Variants in BICD1 observed in about 807,000 individuals in gnomAD.
BICD1 encodes the protein BICD cargo adaptor 1.
A neutral mutation model predicts 92.5 loss-of-function variants in BICD1; 35 were observed. The observed-to-expected ratio is 0.38, with a 90% CI of 0.29 to 0.50. The LOEUF (loss-of-function observed/expected upper bound fraction) is 0.50, where lower values mean the gene tolerates loss of function less well. Among genes scored for constraint, BICD1 ranks in the 20% least tolerant of loss-of-function variants. BICD1 has a pLI of 0.93. For synonymous variants in BICD1, 429 were observed against 465.1 expected (o/e 0.92, Z 1.00); for missense variants, 950 against 1,189.8 (o/e 0.80, Z 2.97).
chr12:32,264,236 ATTG>A (rs961602761), intron 2 of BICD1, among the ~76,000 whole-genome samples: 2 of 152,208 alleles, frequency 1.3e-5, no homozygotes, highest in Non-Finnish European at 2.9e-5. Context: ...AATCTTAAAT[ATTG>A]TTATTAGCTC....
intron 2 of BICD1, among the ~76,000 whole-genome samples, chr12:32,250,878 G>A (rs2136103831): frequency 6.6e-6 from 1 of 152,292 alleles, no homozygotes; most frequent in Non-Finnish European, 1.5e-5. Flanking sequence ...AGCTACTTGG[G>A]AGGCTAAGGT....
chr12:32,223,620 CTG>C (rs975035142), intron 2 of BICD1, among the ~76,000 whole-genome samples: 5 of 151,782 alleles, frequency 3.3e-5, no homozygotes, highest in African/African-American at 1.2e-4. Flanking sequence ...AGAAATGAGA[CTG>C]TTTCGCTTTC....
intron 1 of BICD1, among the ~76,000 whole-genome samples, chr12:32,169,266 C>G (rs1943863967): frequency 6.6e-6 from 1 of 152,076 alleles, no homozygotes. Flanking sequence ...ATACTTAGCA[C>G]AATAAATATT....
chr12:32,120,886 AG>A (rs765973593), intron 1 of BICD1, among the ~76,000 whole-genome samples: 37,941 of 117,044 alleles, frequency 0.32, 5,388 homozygotes, highest in Admixed American at 0.47. Flanking sequence ...AGAGAGAGAG[AG>A]AGAGAGAGAA....
chr12:32,154,314 G>A (rs1410337588), intron 1 of BICD1, among the ~76,000 whole-genome samples: 1 of 152,120 alleles, frequency 6.6e-6, no homozygotes. Context: ...AGGTCTATTG[G>A]AGAGCTGTTC....
chr12:32,366,723 A>G (rs1340967273), intron 8 of BICD1, among the ~76,000 whole-genome samples: 1 of 152,230 alleles, frequency 6.6e-6, no homozygotes, highest in African/African-American at 2.4e-5. Flanking sequence ...GGCAAGAGGA[A>G]ATGCTTCAAT....
intron 8 of BICD1, chr12:32,340,409 A>G (rs1938319452): frequency 2.0e-6 from 2 of 985,296 alleles, no homozygotes; most frequent in East Asian, 2.3e-4. Context: ...GAATCACCAA[A>G]GTGGTAATGA....
At chr12:32,176,048 G>A (rs1223040938) in intron 1 of BICD1, among the ~76,000 whole-genome samples, 1 of 152,128 alleles carries the variant, frequency 6.6e-6, no homozygotes, top group African/African-American at 2.4e-5. Context: ...CTATGTTGTC[G>A]CCTGTGTCAG....
chr12:32,341,171 T>A (rs1206447854), intron 8 of BICD1, among the ~76,000 whole-genome samples: 1 of 152,052 alleles, frequency 6.6e-6, no homozygotes, highest in Non-Finnish European at 1.5e-5. Context: ...ACCTTAGAAA[T>A]GATTACTATT....
intron 1 of BICD1, among the ~76,000 whole-genome samples, chr12:32,116,510 CTA>C (rs370907481): frequency 1.4e-3 from 149 of 104,350 alleles, no homozygotes; most frequent in African/African-American, 4.4e-3. Context: ...CTCTCTCTCT[CTA>C]TATATATATA....
At chr12:32,275,089 T>C (rs569146064) in intron 2 of BICD1, among the ~76,000 whole-genome samples, 1 of 152,314 alleles carries the variant, frequency 6.6e-6, no homozygotes, top group African/African-American at 2.4e-5. Context: ...ATGTTTATCA[T>C]TAGATATATG....
chr12:32,318,525 G>C (rs558110623), intron 4 of BICD1, among the ~76,000 whole-genome samples: 1 of 152,246 alleles, frequency 6.6e-6, no homozygotes, highest in Non-Finnish European at 1.5e-5. Flanking sequence ...TCTGTTATTG[G>C]TGTATAAGAA....
At chr12:32,204,960 T>A (rs138141365) in intron 1 of BICD1, among the ~76,000 whole-genome samples, 458 of 152,192 alleles carry the variant, frequency 3.0e-3, no homozygotes, top group African/African-American at 0.011. Context: ...AAAGCAGATA[T>A]CATGAAAATC....
Position 32,338,858 on chromosome 12 carries a change from A to C in BICD1, c.2643A>C (p.Leu881Phe). 1 of 1,605,870 alleles carries C rather than the reference A, an allele frequency of 6.2e-7. No homozygotes were observed. Among genetic ancestry groups the C allele is most frequent in the Non-Finnish European group, 8.5e-7 (1 of 1,176,550 alleles). Residue 881 changes from leucine (L) to phenylalanine (F), a missense_variant, in exon 8 of 10, where the codon TTA (leucine) becomes TTC (phenylalanine). Physicochemically the swap from Leu to Phe is conservative, Grantham distance 22. Transcript: ENST00000652176. ...TSGASYLQNL[L>F]RVPPDPTSTE... ...GGGCTTCCTACCTACAGAATTTATT[A>C]AGAGTTCCCCCTGATCCCACCTCCA...
At chr12:32,371,542 G>A (rs1036607402) in intron 9 of BICD1, among the ~76,000 whole-genome samples, 1 of 152,036 alleles carries the variant, frequency 6.6e-6, no homozygotes, top group African/African-American at 2.4e-5. Context: ...ACCCATTTTT[G>A]TTGTTGTTTT....
At chr12:32,233,682 T>C (rs753130415) in intron 2 of BICD1, among the ~76,000 whole-genome samples, 21 of 152,180 alleles carry the variant, frequency 1.4e-4, no homozygotes, top group Non-Finnish European at 2.6e-4. Flanking sequence ...TAAAAATAGC[T>C]CAATTTGGTT....
intron 1 of BICD1, among the ~76,000 whole-genome samples, chr12:32,212,004 CA>C (rs1338519505): frequency 6.6e-6 from 1 of 152,180 alleles, no homozygotes; most frequent in Non-Finnish European, 1.5e-5. Context: ...TGCTTATCAC[CA>C]CATCTGGAAA....
At chr12:32,189,388 C>T (rs1308621800) in intron 1 of BICD1, among the ~76,000 whole-genome samples, 1 of 152,182 alleles carries the variant, frequency 6.6e-6, no homozygotes, top group Admixed American at 6.6e-5. Flanking sequence ...CTCTTTTTCT[C>T]CTCCTCTTCC....
At chr12:32,345,161 A>T (rs371504099) in intron 8 of BICD1, among the ~76,000 whole-genome samples, 2 of 151,262 alleles carry the variant, frequency 1.3e-5, no homozygotes, top group African/African-American at 2.4e-5. Context: ...GCTGGCATGC[A>T]CTCATAGTCC....
Sources: gnomAD v4.1 joint callset for allele counts (sites outside exome capture counted in the v4.1 genomes callset) on GRCh38, gnomAD v4.1.1 for gene constraint, MANE v1.5 for transcripts, NCBI Gene and HGNC (gene_info 2026-07-23, HGNC 2026-07-21) for gene names.